Variants in TMPRSS5 observed in about 807,000 individuals in gnomAD.
TMPRSS5 encodes transmembrane serine protease 5.
A neutral mutation model predicts 59.7 loss-of-function variants in TMPRSS5; 45 were observed. The ratio of observed to expected loss-of-function variants is 0.75; its 90% CI spans 0.59 to 0.97. The LOEUF (loss-of-function observed/expected upper bound fraction) is 0.97, where lower values mean the gene tolerates loss of function less well. TMPRSS5 is among the 50% of genes least tolerant of loss of function. The probability of loss-of-function intolerance (pLI) is 0.00; values close to 1 mark genes in which losing one functional copy is unlikely to be tolerated. For synonymous variants in TMPRSS5, 225 were observed against 232.0 expected (o/e 0.97, Z 0.27); for missense variants, 585 against 596.7 (o/e 0.98, Z 0.20).
intron 12 of TMPRSS5, among the ~76,000 whole-genome samples, chr11:113,688,674 G>A (rs1452259779): frequency 2.0e-5 from 3 of 152,090 alleles, no homozygotes; most frequent in Non-Finnish European, 4.4e-5. Context: ...AGGTTTAAGC[G>A]ATTCTCCTGC....
intron 6 of TMPRSS5, among the ~76,000 whole-genome samples, chr11:113,695,973 C>T (rs12577672): frequency 0.012 from 1,886 of 152,210 alleles, 94 homozygotes; most frequent in East Asian, 0.12. Context: ...AAACTCTCTT[C>T]TCTTTCTTTA....
In TMPRSS5 at chr11:113,696,988, A is replaced by G; in HGVS notation, c.465-17T>C. 1 of 1,532,362 alleles carries G rather than the reference A, an allele frequency of 6.5e-7. No homozygotes were observed. Among genetic ancestry groups the G allele is most frequent in the Non-Finnish European group, 8.9e-7 (1 of 1,125,776 alleles). 94.9% of individuals were successfully genotyped at this position (1,532,362 alleles called of 1,614,324 possible). ...TGAGTGAGTCTTGGCAGAAGAAGGG[A>G]ATAGAACAGGAGGAAATCATAACTG... On this transcript the variant is annotated splice_polypyrimidine_tract_variant and intron_variant, in intron 5 of 12. Coordinates refer to ENST00000299882, the MANE Select transcript of TMPRSS5 (RefSeq NM_030770.4).
At chr11:113,698,847 C>T (rs1196587556) in intron 4 of TMPRSS5, 58 bp downstream of exon 4, 2 of 1,552,868 alleles carry the variant, frequency 1.3e-6, no homozygotes, top group Non-Finnish European at 8.7e-7. Context: ...CTCTTGCCCT[C>T]AGCTGTGACA....
chr11:113,694,335 G>A (rs1489427556), intron 8 of TMPRSS5, 143 bp downstream of exon 8: 2 of 698,298 alleles, frequency 2.9e-6, no homozygotes, highest in Non-Finnish European at 4.8e-6. Context: ...TACTGAATGA[G>A]AGAACTTCAC....
chr11:113,700,675 G>T (rs536581274), intron 1 of TMPRSS5, among the ~76,000 whole-genome samples: 1 of 152,226 alleles, frequency 6.6e-6, no homozygotes, highest in South Asian at 2.1e-4. Context: ...AACCAACGTG[G>T]ACCACTCCCC....
rs1052718491 is a variant in TMPRSS5, at chr11:113,699,242, T to C, written c.206-215A>G. Among the ~76,000 whole-genome samples the C allele has an allele frequency of 9.6e-4, 75 of 78,528 alleles. 4 individuals are homozygous for C. Among genetic ancestry groups the C allele is most frequent in the East Asian group, 4.3e-3 (10 of 2,350 alleles). 51.5% of individuals were successfully genotyped at this position (78,528 alleles called of 152,430 possible). A position where few individuals can be genotyped will look rare whatever the true frequency, so the allele number is the denominator to read the frequency against. On this transcript the variant is annotated intron_variant, in intron 3 of 12. Coordinates refer to ENST00000299882, the MANE Select transcript of TMPRSS5 (RefSeq NM_030770.4). Reference sequence around the variant, plus strand: ...CTCTCTCTCTCTCTCTCTCTCTCTCTCTCTCTCTCTCTCTCTCTCTCTCTC... The same window carrying C: ...CTCTCTCTCTCTCTCTCTCTCTCTCCCTCTCTCTCTCTCTCTCTCTCTCTC...
At position 113,694,568 on chromosome 11, in the gene TMPRSS5, T is replaced by G; in HGVS notation, c.695A>C (p.Gln232Pro). The change falls in exon 8 of 13, where the codon CAG becomes CCG. Residue 232 changes from glutamine (Q) to proline (P), a missense_variant. Physicochemically the swap from Gln to Pro is moderately conservative, Grantham distance 76. Transcript: ENST00000299882. ...CCGGAAGCCCAGGGCCACGCTGGCC[T>G]GCCACGGCCAGCGCCCAGGAGCCAC... The part of the protein sequence containing the change: ...QSVAPGRWPW[Q>P]ASVALGFRHT... 6.4e-7 allele frequency: 1 copy of G among 1,557,278 alleles called. No homozygotes were observed. The highest frequency in any genetic ancestry group is 8.7e-7 in the Non-Finnish European group (1 of 1,150,746).
chr11:113,699,752 C>T, intron 2 of TMPRSS5, 59 bp from the exon 3 acceptor site: 1 of 1,505,192 alleles, frequency 6.6e-7, no homozygotes, highest in Non-Finnish European at 9.0e-7. Flanking sequence ...TGCCTTACTT[C>T]ACCCTAAGTC....
intron 9 of TMPRSS5, among the ~76,000 whole-genome samples, chr11:113,692,389 C>A (rs1249642087): frequency 6.6e-6 from 1 of 152,074 alleles, no homozygotes; most frequent in African/African-American, 2.4e-5. Flanking sequence ...CATGTGAGCA[C>A]GTACATGTGA....
chr11:113,697,304 C>A lies in TMPRSS5; in HGVS notation c.443G>T (p.Cys148Phe), dbSNP rs1462275103. ...TTACCTGAGATGCCCAAGGCTCCAG[C>A]AGATCTGCAGCCCCAGGGCGGGGCT... ...GWSPALGLQICWSLGHLRLTH... is the reference protein window; with the variant it reads ...GWSPALGLQIFWSLGHLRLTH... Residue 148 changes from cysteine to phenylalanine, a missense_variant, in exon 5 of 13, where the codon TGC (cysteine) becomes TTC (phenylalanine). Cys to Phe is a radical substitution (Grantham distance 205). Coordinates refer to ENST00000299882, the MANE Select transcript of TMPRSS5 (RefSeq NM_030770.4). 6.2e-7 allele frequency: 1 copy of A among 1,612,560 alleles called. No homozygotes were observed. The highest frequency in any genetic ancestry group is 8.5e-7 in the Non-Finnish European group (1 of 1,178,974).
intron 3 of TMPRSS5, 45 bp from the exon 4 acceptor site, chr11:113,699,072 G>A: frequency 6.3e-7 from 1 of 1,592,254 alleles, no homozygotes; most frequent in Non-Finnish European, 8.6e-7. Flanking sequence ...CCAAAGGAAG[G>A]TGTCAAGGTG....
rs1428655965 is a variant in TMPRSS5 at position 113,688,181 on chromosome 11, C to T, written c.*79G>A. 12 of 1,530,576 alleles carry T rather than the reference C, an allele frequency of 7.8e-6. No homozygotes were observed. Among genetic ancestry groups the T allele is most frequent in the African/African-American group, 1.4e-5 (1 of 72,374 alleles). The allele number at this position is 1,530,576 out of a possible 1,614,324, so 94.8% of individuals were successfully genotyped here. A position where few individuals can be genotyped will look rare whatever the true frequency, so the allele number is the denominator to read the frequency against. On this transcript the variant is annotated 3_prime_UTR_variant, in exon 13 of 13. Coordinates refer to ENST00000299882, the MANE Select transcript of TMPRSS5 (RefSeq NM_030770.4). Reference sequence around the variant, plus strand: ...TTCTGTGTCGGAGGCTACTGCCTCTCCTCCATTAGTGGAGCTGCTGGAGGC... The same window carrying T: ...TTCTGTGTCGGAGGCTACTGCCTCTTCTCCATTAGTGGAGCTGCTGGAGGC...
chr11:113,694,737 G>T (rs1487598875), intron 7 of TMPRSS5, 97 bp from the exon 8 acceptor site: 4 of 1,235,498 alleles, frequency 3.2e-6, no homozygotes, highest in Non-Finnish European at 3.3e-6. Context: ...AAGCCCCAGA[G>T]AGCCAGTGTG....
intron 3 of TMPRSS5, 33 bp downstream of exon 3, chr11:113,699,561 TC>T: frequency 6.5e-7 from 1 of 1,528,208 alleles, no homozygotes; most frequent in Non-Finnish European, 8.9e-7. Context: ...CCTTCCAACC[TC>T]CCCCACACCA....
chr11:113,691,797 TGTA>T (rs780179895), intron 9 of TMPRSS5, among the ~76,000 whole-genome samples: 19 of 151,148 alleles, frequency 1.3e-4, no homozygotes, highest in Non-Finnish European at 2.2e-4. Flanking sequence ...TAGATACTCA[TGTA>T]GTATCTACTA....
rs550946661 is a variant in TMPRSS5, at chr11:113,699,272, C to CCTCT, written c.206-249_206-246dup. ...CTCTCTCTCTCTCTCTCTCTCTCTC[C>CCTCT]CTCTCTCTCTCTCTCTCTCTGTCTC... On this transcript the variant is annotated intron_variant, in intron 3 of 12. Coordinates refer to ENST00000299882, the MANE Select transcript of TMPRSS5 (RefSeq NM_030770.4). Among the ~76,000 whole-genome samples, 37 of 24,072 alleles carry CCTCT rather than the reference C, an allele frequency of 1.5e-3. 2 individuals are homozygous for CCTCT. The highest frequency in any genetic ancestry group is 2.3e-3 in the Non-Finnish European group (29 of 12,714). 15.8% of individuals were successfully genotyped at this position (24,072 alleles called of 152,430 possible).
At chr11:113,688,413 A>G in intron 12 of TMPRSS5, 139 bp from the exon 13 acceptor site, 1 of 643,244 alleles carries the variant, frequency 1.6e-6, no homozygotes. Flanking sequence ...CTGCTGCTCA[A>G]GATTTTTTGT....
chr11:113,696,556 T>C (rs1591381523), intron 6 of TMPRSS5, among the ~76,000 whole-genome samples: 1 of 152,328 alleles, frequency 6.6e-6, no homozygotes, highest in South Asian at 2.1e-4. Flanking sequence ...ACAAGACTCT[T>C]TAACCTTATT....
Position 113,706,251 on chromosome 11 carries a change from C to T in TMPRSS5, c.-27G>A. The T allele has an allele frequency of 6.2e-7, 1 of 1,600,188 alleles. No individual in the cohort carries two copies. Among genetic ancestry groups the T allele is most frequent in the African/African-American group, 1.3e-5 (1 of 74,728 alleles). ...GGGGTCAGTGGCACTGTTGTAAAGCCTCAGGGTCTACTAGGCAATGTTCCG... is the reference window on the plus strand; with the variant it reads ...GGGGTCAGTGGCACTGTTGTAAAGCTTCAGGGTCTACTAGGCAATGTTCCG... On this transcript the variant is annotated 5_prime_UTR_variant, in exon 1 of 13. Coordinates refer to ENST00000299882, the MANE Select transcript of TMPRSS5 (RefSeq NM_030770.4).
Sources: gnomAD v4.1 joint callset for allele counts (sites outside exome capture counted in the v4.1 genomes callset) on GRCh38, gnomAD v4.1.1 for gene constraint, MANE v1.5 for transcripts, NCBI Gene and HGNC (gene_info 2026-07-23, HGNC 2026-07-21) for gene names.